NGF: variants seen among roughly 807,000 people sequenced by gnomAD.
NGF encodes the protein beta-nerve growth factor.
Under a neutral mutation model 12.8 loss-of-function variants are expected in NGF, and 4 were observed. The ratio of observed to expected loss-of-function variants is 0.31; its 90% CI spans 0.15 to 0.72. NGF has a LOEUF of 0.72. Ranked by LOEUF, NGF falls within the 30% of genes least tolerant of loss-of-function variation. NGF has a pLI of 0.69. For missense variants in NGF, 283 were observed against 330.8 expected (o/e 0.86, Z 1.12); for synonymous variants, 140 against 130.0 (o/e 1.08, Z -0.52).
intron 1 of NGF, among the ~76,000 whole-genome samples, chr1:115,333,690 TTTC>T (rs1261110963): frequency 5.5e-4 from 32 of 58,156 alleles, no homozygotes; most frequent in African/African-American, 4.1e-3. Flanking sequence ...TCTTTCTTTC[TTTC>T]TTTCTTTCTT....
intron 2 of NGF, among the ~76,000 whole-genome samples, chr1:115,289,784 T>C (rs1653626029): frequency 6.6e-6 from 1 of 152,190 alleles, no homozygotes. Flanking sequence ...TTCCTTTTTC[T>C]GTTACTGGAA....
intron 2 of NGF, among the ~76,000 whole-genome samples, 176 bp from the exon 3 acceptor site, chr1:115,286,983 GT>G (rs1367224587): frequency 6.6e-6 from 1 of 152,170 alleles, no homozygotes; most frequent in African/African-American, 2.4e-5. Flanking sequence ...GACAACAGGC[GT>G]AACCCGGGGC....
At chr1:115,299,061 G>T (rs1222026125) in intron 1 of NGF, among the ~76,000 whole-genome samples, 1 of 152,094 alleles carries the variant, frequency 6.6e-6, no homozygotes, top group African/African-American at 2.4e-5. Context: ...CTGAGAAGGA[G>T]CTCTTTTTTG....
intron 1 of NGF, among the ~76,000 whole-genome samples, chr1:115,304,891 G>A (rs1020634893): frequency 5.9e-5 from 9 of 152,156 alleles, no homozygotes; most frequent in African/African-American, 1.9e-4. Context: ...TTCAGACTGA[G>A]TGGGGAGCTC....
At chr1:115,321,199 G>GT (rs1349894816) in intron 1 of NGF, among the ~76,000 whole-genome samples, 1 of 152,188 alleles carries the variant, frequency 6.6e-6, no homozygotes, top group Non-Finnish European at 1.5e-5. Flanking sequence ...TGGCTAGTCT[G>GT]TAAGCCCCGT....
chr1:115,333,713 CT>C (rs66510332), intron 1 of NGF, among the ~76,000 whole-genome samples: 3,221 of 43,754 alleles, frequency 0.074, 70 homozygotes, highest in East Asian at 0.19. Context: ...TTCTTTCTTT[CT>C]TTTCTTTCTT....
intron 1 of NGF, among the ~76,000 whole-genome samples, chr1:115,294,841 G>A (rs528813755): frequency 2.6e-5 from 4 of 152,316 alleles, no homozygotes; most frequent in African/African-American, 7.2e-5. Flanking sequence ...GCCAGGAAGA[G>A]CCAGGTCTAC....
intron 2 of NGF, among the ~76,000 whole-genome samples, chr1:115,289,025 T>C (rs1421245469): frequency 6.6e-6 from 1 of 152,238 alleles, no homozygotes; most frequent in Non-Finnish European, 1.5e-5. Flanking sequence ...TTCTCTTTGG[T>C]TTCTTTGAAG....
At chr1:115,290,483 C>T (rs529217532) in intron 2 of NGF, among the ~76,000 whole-genome samples, 1 of 146,904 alleles carries the variant, frequency 6.8e-6, no homozygotes, top group Non-Finnish European at 1.5e-5. Flanking sequence ...GCAGCCTTTG[C>T]CTCCTGGGTT....
chr1:115,319,815 T>C (rs1654568884), intron 1 of NGF, among the ~76,000 whole-genome samples: 1 of 152,190 alleles, frequency 6.6e-6, no homozygotes, highest in South Asian at 2.1e-4. Flanking sequence ...AATGTCAGCC[T>C]AGCAGCCTCA....
At chr1:115,295,434 A>G (rs983576137) in intron 1 of NGF, among the ~76,000 whole-genome samples, 7 of 152,186 alleles carry the variant, frequency 4.6e-5, no homozygotes, top group African/African-American at 1.7e-4. Flanking sequence ...GAACATTTTC[A>G]TGCTCTCCCA....
intron 1 of NGF, among the ~76,000 whole-genome samples, chr1:115,332,282 C>T (rs185919714): frequency 1.2e-4 from 18 of 152,256 alleles, no homozygotes; most frequent in East Asian, 5.8e-4. Flanking sequence ...GGAGAACCTC[C>T]GTGAGTCTTC....
At chr1:115,300,661 T>C (rs1421409095) in intron 1 of NGF, among the ~76,000 whole-genome samples, 3 of 152,198 alleles carry the variant, frequency 2.0e-5, no homozygotes, top group Admixed American at 2.0e-4. Context: ...GTCTGCTGAC[T>C]TCACACCCAG....
chr1:115,324,302 C>G (rs1409393193), intron 1 of NGF, among the ~76,000 whole-genome samples: 1 of 152,154 alleles, frequency 6.6e-6, no homozygotes, highest in Non-Finnish European at 1.5e-5. Flanking sequence ...ATATGGGTCA[C>G]TATGTCTAAA....
chr1:115,324,679 A>AGGAAG (rs1042930417), intron 1 of NGF, among the ~76,000 whole-genome samples: 1 of 152,146 alleles, frequency 6.6e-6, no homozygotes, highest in African/African-American at 2.4e-5. Flanking sequence ...TATGCTTGAG[A>AGGAAG]GGAAGCCCTT....
chr1:115,290,438 C>G (rs1653657586), intron 2 of NGF, among the ~76,000 whole-genome samples: 1 of 133,846 alleles, frequency 7.5e-6, no homozygotes, highest in Non-Finnish European at 1.5e-5. Context: ...CTCTGTCACC[C>G]AGGCTGAAGT....
chr1:115,286,234 C>T lies in NGF; in HGVS notation c.562G>A (p.Gly188Arg), dbSNP rs760753923. The change falls in exon 3 of 3, where the codon GGG becomes AGG. Residue 188 changes from glycine (G) to arginine (R), a missense_variant. By Grantham distance (125) the Gly-to-Arg change is moderately radical. This residue lies in a region of NGF where 132 missense variants were observed against 189.2 expected (regional missense o/e 0.70). Transcript: ENST00000369512. ...KCRDPNPVDS[G>R]CRGIDSKHWN... ...TGCTTTGAGTCAATGCCCCGGCACC[C>T]GCTGTCAACGGGATTTGGGTCCCGG... is the stretch of plus-strand genomic sequence containing the variant. 68 of 1,614,020 alleles carry T rather than the reference C, an allele frequency of 4.2e-5. No individual in the cohort carries two copies. Among genetic ancestry groups the T allele is most frequent in the Non-Finnish European group, 4.8e-5 (57 of 1,180,052 alleles).
chr1:115,306,812 A>T (rs1654215474), intron 1 of NGF, among the ~76,000 whole-genome samples: 1 of 152,244 alleles, frequency 6.6e-6, no homozygotes, highest in South Asian at 2.1e-4. Context: ...GCTCTTCATC[A>T]GTGAACAATG....
intron 1 of NGF, among the ~76,000 whole-genome samples, chr1:115,300,886 CAT>C (rs1161624558): frequency 2.0e-5 from 3 of 152,174 alleles, no homozygotes; most frequent in African/African-American, 7.2e-5. Flanking sequence ...TGCAGTAACA[CAT>C]ATGACTTATG....
Sources: gnomAD v4.1 joint callset for allele counts (sites outside exome capture counted in the v4.1 genomes callset) on GRCh38, gnomAD v4.1.1 for gene constraint, gnomAD v4.1.1 regional missense constraint, MANE v1.5 for transcripts, NCBI Gene and HGNC (gene_info 2026-07-23, HGNC 2026-07-21) for gene names.